Variants in CAND2 observed in about 807,000 individuals in gnomAD.
The protein encoded by CAND2 is cullin associated and neddylation dissociated 2 (putative).
CAND2 carries 62 observed loss-of-function variants against 98.9 expected under a neutral mutation model. The ratio of observed to expected loss-of-function variants is 0.63; its 90% CI spans 0.51 to 0.77. The LOEUF (loss-of-function observed/expected upper bound fraction) is 0.77, where lower values mean the gene tolerates loss of function less well. Among genes scored for constraint, CAND2 ranks in the 30% least tolerant of loss-of-function variants. The pLI is 0.00. For missense variants in CAND2, 1,501 were observed against 1,655.2 expected, an observed-to-expected ratio of 0.91 and a Z score of 1.62; for synonymous variants, 770 against 731.9, an observed-to-expected ratio of 1.05 and a Z score of -0.84.
chr3:12,812,474 G>A lies in CAND2; in HGVS notation c.758-516G>A, dbSNP rs1241432286. 3.8e-4 allele frequency among the ~76,000 whole-genome samples: 50 copies of A among 132,494 alleles called. 1 individual carries two copies. The highest frequency in any genetic ancestry group is 2.3e-4 in the South Asian group (1 of 4,344). The allele number at this position is 132,494 out of a possible 152,430, so 86.9% of individuals were successfully genotyped here. On this transcript the variant is annotated intron_variant, in intron 5 of 14. Transcript: ENST00000456430. The stretch of plus-strand genomic sequence containing the variant: ...CTGCGGACTGCAGTGGCGCAATCTC[G>A]GCTCACTGCAAGCTCCGCTTCCCGG...
At position 12,807,393 on chromosome 3, in the gene CAND2, G is replaced by A. The variant is rs1196620030; in HGVS notation, c.300G>A (p.Glu100=). The change falls in exon 3 of 15, where the codon GAG becomes GAA. Residue 100 remains glutamate (E), a synonymous_variant. Transcript: ENST00000456430. ...TLCTNMRSDK[E]QLRDIAGIGL... is the part of the protein sequence containing the mutation. ...GCACCAACATGCGGTCAGACAAGGA[G>A]CAGCTGCGAGACATTGCCGGCATTG... The A allele has an allele frequency of 4.5e-6, 7 of 1,551,770 alleles. No individual in the cohort carries two copies. The highest frequency in any genetic ancestry group is 1.7e-4 in the Middle Eastern group (1 of 5,992).
intron 11 of CAND2, among the ~76,000 whole-genome samples, chr3:12,825,033 G>T (rs2061988064): frequency 6.6e-6 from 1 of 152,024 alleles, no homozygotes; most frequent in Non-Finnish European, 1.5e-5. Flanking sequence ...GTAATAACAA[G>T]TTCACATTCA....
intron 5 of CAND2, among the ~76,000 whole-genome samples, chr3:12,811,283 G>T (rs576575898): frequency 6.6e-6 from 1 of 152,306 alleles, no homozygotes; most frequent in East Asian, 1.9e-4. Context: ...CGGGTCCCCA[G>T]ATACCCAGAC....
At chr3:12,801,289 C>T (rs191919209) in intron 1 of CAND2, among the ~76,000 whole-genome samples, 2 of 151,636 alleles carry the variant, frequency 1.3e-5, no homozygotes, top group East Asian at 3.9e-4. Flanking sequence ...CCACCCGCCT[C>T]AGCCTCCTAA....
rs2061915172 is a variant in CAND2 at position 12,817,253 on chromosome 3, A to G, written c.2321A>G (p.Tyr774Cys). 1.2e-6 allele frequency: 2 copies of G among 1,613,946 alleles called. No homozygotes were observed. The highest frequency in any genetic ancestry group is 1.7e-6 in the Non-Finnish European group (2 of 1,180,044). The part of the protein sequence containing the change: ...LVGTRPPCVD[Y>C]AKLISLLTAP... The stretch of plus-strand genomic sequence containing the variant: ...GGGACCCGTCCCCCGTGTGTGGACT[A>G]TGCCAAACTCATCAGCCTGCTCACT... Residue 774 changes from tyrosine to cysteine, a missense_variant, in exon 10 of 15, where the codon TAT becomes TGT. Around this residue, in one of 3 missense-constraint regions of CAND2, gnomAD observed 1,427 missense variants for 1,545.3 expected, o/e 0.92. Coordinates refer to ENST00000456430, the MANE Select transcript of CAND2 (RefSeq NM_001162499.2).
At chr3:12,820,692 G>A (rs1442990884) in intron 11 of CAND2, among the ~76,000 whole-genome samples, 1 of 152,224 alleles carries the variant, frequency 6.6e-6, no homozygotes, top group Admixed American at 6.5e-5. Flanking sequence ...TGGGAGGAGA[G>A]GAACTGAGAC....
chr3:12,803,583 G>C lies in CAND2; in HGVS notation c.164G>C (p.Arg55Pro). The C allele has an allele frequency of 2.5e-6, 4 of 1,613,202 alleles. No homozygotes were observed. Among genetic ancestry groups the C allele is most frequent in the Non-Finnish European group, 3.4e-6 (4 of 1,179,618 alleles). ...SERKVVKMLL[R>P]LLEDKNGEVQ... ...CGCAAGGTGGTGAAGATGCTGCTCC[G>C]GCTCCTGGAGGACAAGAACGGTGAG... Residue 55 changes from arginine to proline, a missense_variant, in exon 2 of 15, where the codon CGG (arginine) becomes CCG (proline). Physicochemically the swap from Arg to Pro is moderately radical, Grantham distance 103 (BLOSUM62 -2). Around this residue, in one of 3 missense-constraint regions of CAND2, gnomAD observed 62 missense variants for 77.3 expected, o/e 0.80. Coordinates refer to ENST00000456430, the MANE Select transcript of CAND2 (RefSeq NM_001162499.2).
chr3:12,805,819 C>T (rs77200271), intron 2 of CAND2, among the ~76,000 whole-genome samples: 11,983 of 152,246 alleles, frequency 0.079, 637 homozygotes, highest in African/African-American at 0.16. Flanking sequence ...GAACCTCTTG[C>T]GGGGCATGGA....
Position 12,815,512 on chromosome 3 carries a change from A to G in CAND2, c.1299+79A>G. On this transcript the variant is annotated intron_variant, in intron 8 of 14. Transcript: ENST00000456430. The surrounding 1 kb of genome is among the most constrained non-coding windows in gnomAD (Gnocchi z 5.7). The stretch of plus-strand genomic sequence containing the variant: ...ACTGTTAGTGTCCCTGGACTTGGAA[A>G]CTCAGCTGGGAGAACATCCAGCCAT... The G allele has an allele frequency of 1.5e-6, 2 of 1,316,934 alleles. No homozygotes were observed. Among genetic ancestry groups the G allele is most frequent in the Admixed American group, 4.5e-5 (2 of 44,650 alleles). 81.6% of individuals were successfully genotyped at this position (1,316,934 alleles called of 1,614,324 possible).
intron 1 of CAND2, among the ~76,000 whole-genome samples, chr3:12,802,662 T>TTG (rs2061774880): frequency 6.6e-6 from 1 of 152,266 alleles, no homozygotes; most frequent in Non-Finnish European, 1.5e-5. Context: ...GTGGGTCTCC[T>TTG]TGTAGCCCAA....
At chr3:12,808,022 C>T (rs897752616) in intron 3 of CAND2, among the ~76,000 whole-genome samples, 188 bp from the exon 4 acceptor site, 4 of 152,234 alleles carry the variant, frequency 2.6e-5, no homozygotes, top group African/African-American at 7.2e-5. Context: ...GCCATCAGCT[C>T]TGCAGCTCCC....
rs113368650 is a variant in CAND2, at chr3:12,816,594, G to T, written c.1662G>T (p.Pro554=). Residue 554 remains proline (P), a synonymous_variant, in exon 10 of 15, where the codon CCG becomes CCT. Coordinates refer to ENST00000456430, the MANE Select transcript of CAND2 (RefSeq NM_001162499.2). ...VLQELVRALW[P]LHRPRMLDPE... is the part of the protein sequence containing the mutation. ...AGGAGCTGGTGCGGGCCCTGTGGCC[G>T]CTGCACAGGCCTCGGATGCTGGATC... The T allele has an allele frequency of 6.2e-7, 1 of 1,613,726 alleles. No individual in the cohort carries two copies. Among genetic ancestry groups the T allele is most frequent in the African/African-American group, 1.3e-5 (1 of 74,924 alleles).
At chr3:12,827,364 T>TG in intron 12 of CAND2, 76 bp from the exon 13 acceptor site, 1 of 1,390,318 alleles carries the variant, frequency 7.2e-7, no homozygotes. Flanking sequence ...AATAGAGATG[T>TG]GGGGTTTGTA....
At chr3:12,812,367 G>A (rs1256660871) in intron 5 of CAND2, among the ~76,000 whole-genome samples, 1 of 150,446 alleles carries the variant, frequency 6.6e-6, no homozygotes, top group Non-Finnish European at 1.5e-5. Flanking sequence ...GGGACTACAG[G>A]TGTGTGCCAC....
Position 12,817,487 on chromosome 3 carries a change from A to G in CAND2, c.2555A>G (p.Gln852Arg). Residue 852 changes from glutamine to arginine, a missense_variant, in exon 10 of 15, where the codon CAG becomes CGG. Physicochemically the swap from Gln to Arg is conservative, Grantham distance 43. Around this residue, in one of 3 missense-constraint regions of CAND2, gnomAD observed 1,427 missense variants for 1,545.3 expected, o/e 0.92. Transcript: ENST00000456430. ...LAFLSLAEVGQVAGPGHQREL... is the reference protein window; with the variant it reads ...LAFLSLAEVGRVAGPGHQREL... Reference sequence around the variant, plus strand: ...TTCTTGTCGCTGGCTGAGGTGGGTCAGGTGGCTGGGCCAGGCCACCAGCGG... The same window carrying G: ...TTCTTGTCGCTGGCTGAGGTGGGTCGGGTGGCTGGGCCAGGCCACCAGCGG... 6.2e-7 allele frequency: 1 copy of G among 1,613,604 alleles called. No homozygotes were observed. The highest frequency in any genetic ancestry group is 2.2e-5 in the East Asian group (1 of 44,874).
In CAND2 at chr3:12,829,708, G is replaced by C. The variant is rs373051066; in HGVS notation, c.3376-1757G>C. Among the ~76,000 whole-genome samples the C allele has an allele frequency of 5.3e-5, 8 of 152,296 alleles. No individual in the cohort carries two copies. The South Asian group carries it at 8.3e-4, about 16-fold the overall frequency. On this transcript the variant is annotated intron_variant, in intron 13 of 14. Coordinates refer to ENST00000456430, the MANE Select transcript of CAND2 (RefSeq NM_001162499.2). Reference sequence around the variant, plus strand: ...TATTAAGTGAGTGCCAACACGCCAAGGTCAATGTGAGAGGTGGGGTCCCTG... The same window carrying C: ...TATTAAGTGAGTGCCAACACGCCAACGTCAATGTGAGAGGTGGGGTCCCTG...
At chr3:12,825,336 A>C (rs2061990348) in intron 11 of CAND2, 134 bp from the exon 12 acceptor site, 2 of 789,854 alleles carry the variant, frequency 2.5e-6, no homozygotes, top group African/African-American at 3.5e-5. Context: ...CACAAAGTAG[A>C]TGCTCACCAC....
chr3:12,827,431 C>T lies in CAND2; in HGVS notation c.3211-9C>T, dbSNP rs2062012839. On this transcript the variant is annotated splice_polypyrimidine_tract_variant and intron_variant, in intron 12 of 14. Coordinates refer to ENST00000456430, the MANE Select transcript of CAND2 (RefSeq NM_001162499.2). ...GGGGCCATATCACCAACCTTCATCC[C>T]TCCTGCAGGTGGAGATGGGGCCCTT... The T allele has an allele frequency of 6.2e-7, 1 of 1,610,944 alleles. No individual in the cohort carries two copies. Among genetic ancestry groups the T allele is most frequent in the African/African-American group, 1.3e-5 (1 of 74,890 alleles).
intron 13 of CAND2, among the ~76,000 whole-genome samples, chr3:12,830,512 A>C (rs1336960670): frequency 6.6e-6 from 1 of 152,158 alleles, no homozygotes; most frequent in African/African-American, 2.4e-5. Flanking sequence ...GGATCGAGCA[A>C]GTCTGTTTCT....
Sources: gnomAD v4.1 joint callset for allele counts (sites outside exome capture counted in the v4.1 genomes callset) on GRCh38, gnomAD v4.1.1 for gene constraint, gnomAD v4.1.1 regional missense constraint, Gnocchi (gnomAD v3.1) non-coding constraint, MANE v1.5 for transcripts, NCBI Gene and HGNC (gene_info 2026-07-23, HGNC 2026-07-21) for gene names.